The following EEFSEC variants were observed in gnomAD, a reference collection of about 807,000 sequenced individuals.
EEFSEC encodes eukaryotic elongation factor, selenocysteine-tRNA specific.
In EEFSEC, 43 loss-of-function variants were observed where a neutral mutation model predicts 42.1. The observed-to-expected ratio is 1.02, with a 90% CI of 0.80 to 1.32. The LOEUF is 1.32. Ranked by LOEUF, EEFSEC falls within the 40% of genes most tolerant of loss-of-function variation. EEFSEC has a pLI of 0.00. For missense variants in EEFSEC, 745 were observed against 803.6 expected (o/e 0.93, Z 0.88); for synonymous variants, 354 against 339.1 (o/e 1.04, Z -0.48).
intron 6 of EEFSEC, chr3:128,367,716 GA>G (rs2067606639): frequency 1.0e-6 from 1 of 985,310 alleles, no homozygotes; most frequent in Non-Finnish European, 1.2e-6. Flanking sequence ...AGAGATGAGT[GA>G]AGCACCACAG....
In EEFSEC at chr3:128,408,531, C is replaced by A; in HGVS notation, c.*272C>A. On this transcript the variant is annotated 3_prime_UTR_variant, in exon 7 of 7. Coordinates refer to ENST00000254730, the MANE Select transcript of EEFSEC (RefSeq NM_021937.5). ...AGGGCCATGGGCAGAGGGCTGGTAG[C>A]CAGTATCTTCCACTGCCCCATCTGT... 1 of 356,178 alleles carries A rather than the reference C, an allele frequency of 2.8e-6. No individual in the cohort carries two copies. Among genetic ancestry groups the A allele is most frequent in the Non-Finnish European group, 5.0e-6 (1 of 198,476 alleles). The allele number at this position is 356,178 out of a possible 1,614,324, so 22.1% of individuals were successfully genotyped here.
intron 6 of EEFSEC, chr3:128,367,752 C>T: frequency 1.0e-6 from 1 of 985,430 alleles, no homozygotes; most frequent in South Asian, 4.7e-5. Context: ...CCACTGCCTG[C>T]CTGGCCATAT....
intron 1 of EEFSEC, among the ~76,000 whole-genome samples, chr3:128,157,495 A>G (rs572779771): frequency 1.3e-5 from 2 of 152,352 alleles, no homozygotes; most frequent in East Asian, 1.9e-4. Context: ...CAAAGCTTCA[A>G]AGGACAGGCT....
At chr3:128,240,984 G>A (rs1350215336) in intron 1 of EEFSEC, among the ~76,000 whole-genome samples, 1 of 152,202 alleles carries the variant, frequency 6.6e-6, no homozygotes, top group Admixed American at 6.5e-5. Flanking sequence ...TTCTGAGTTG[G>A]GGACCTCTGA....
chr3:128,364,045 C>T (rs998219336), intron 6 of EEFSEC, among the ~76,000 whole-genome samples: 1 of 152,172 alleles, frequency 6.6e-6, no homozygotes, highest in Non-Finnish European at 1.5e-5. Flanking sequence ...CCCCTGTAAT[C>T]TCAGCACTCT....
chr3:128,186,539 G>A (rs1258032137), intron 1 of EEFSEC, among the ~76,000 whole-genome samples: 1 of 152,130 alleles, frequency 6.6e-6, no homozygotes, highest in Non-Finnish European at 1.5e-5. Context: ...TTTCTTCTCA[G>A]TTTTATAGTT....
chr3:128,253,597 C>T (rs2066211320), intron 2 of EEFSEC, among the ~76,000 whole-genome samples: 1 of 152,148 alleles, frequency 6.6e-6, no homozygotes, highest in South Asian at 2.1e-4. Context: ...TTCTTTTCTT[C>T]TTTTCTGTCT....
chr3:128,208,771 G>T (rs1326437385), intron 1 of EEFSEC, among the ~76,000 whole-genome samples: 1 of 152,226 alleles, frequency 6.6e-6, no homozygotes, highest in East Asian at 1.9e-4. Flanking sequence ...GCCACATTGG[G>T]AGGGGCCTGT....
intron 5 of EEFSEC, among the ~76,000 whole-genome samples, chr3:128,352,332 C>CT (rs1442186903): frequency 2.1e-4 from 32 of 152,366 alleles, no homozygotes; most frequent in African/African-American, 6.7e-4. Context: ...CTGACAATCA[C>CT]TGAGTCCTTG....
chr3:128,365,382 A>G (rs2067578504), intron 6 of EEFSEC, among the ~76,000 whole-genome samples: 1 of 152,178 alleles, frequency 6.6e-6, no homozygotes, highest in African/African-American at 2.4e-5. Flanking sequence ...GGGGCATCCC[A>G]GGCTCCCTTC....
At chr3:128,265,902 G>T (rs1002331917) in intron 4 of EEFSEC, among the ~76,000 whole-genome samples, 1 of 152,166 alleles carries the variant, frequency 6.6e-6, no homozygotes, top group African/African-American at 2.4e-5. Context: ...TTTTGCTGGA[G>T]AACACCAACT....
chr3:128,358,168 A>G (rs911366173), intron 5 of EEFSEC, 49 bp from the exon 6 acceptor site: 4 of 1,592,908 alleles, frequency 2.5e-6, no homozygotes, highest in Admixed American at 1.7e-5. Flanking sequence ...CAGCTCTTTC[A>G]GTGTGCACCA....
intron 5 of EEFSEC, among the ~76,000 whole-genome samples, chr3:128,356,979 C>T (rs1056840126): frequency 6.6e-6 from 1 of 152,138 alleles, no homozygotes; most frequent in Non-Finnish European, 1.5e-5. Flanking sequence ...GAGCTCCCAT[C>T]TTCTCCTGAC....
chr3:128,288,308 G>C (rs1231879120), intron 4 of EEFSEC, among the ~76,000 whole-genome samples: 1 of 152,156 alleles, frequency 6.6e-6, no homozygotes, highest in Admixed American at 6.5e-5. Context: ...GGGAACTTGA[G>C]TTTAGGTCTC....
intron 3 of EEFSEC, among the ~76,000 whole-genome samples, chr3:128,263,192 C>T (rs1476449783): frequency 2.0e-5 from 3 of 152,232 alleles, no homozygotes; most frequent in Non-Finnish European, 4.4e-5. Context: ...TTCACAAAAA[C>T]TCAGGGAGGC....
At chr3:128,256,147 T>C (rs537946420) in intron 2 of EEFSEC, among the ~76,000 whole-genome samples, 1 of 152,362 alleles carries the variant, frequency 6.6e-6, no homozygotes, top group Non-Finnish European at 1.5e-5. Flanking sequence ...AAATCTCTTT[T>C]ATTAAGTCAG....
rs114127602 is a variant in EEFSEC at position 128,376,321 on chromosome 3, C to A, written c.1600+17948C>A. ...CAGGTGTTTGCTGCAAGCAGGAATG[C>A]CCACTGTGCTTGGGCTTTCCTCACC... On this transcript the variant is annotated intron_variant, in intron 6 of 6. Coordinates refer to ENST00000254730, the MANE Select transcript of EEFSEC (RefSeq NM_021937.5). Among the ~76,000 whole-genome samples the A allele has an allele frequency of 3.5e-3, 527 of 152,328 alleles. 1 individual carries two copies. Among genetic ancestry groups the A allele is most frequent in the Admixed American group, 6.1e-3 (93 of 15,304 alleles).
At chr3:128,316,032 A>G (rs2066941002) in intron 4 of EEFSEC, among the ~76,000 whole-genome samples, 1 of 152,158 alleles carries the variant, frequency 6.6e-6, no homozygotes, top group Non-Finnish European at 1.5e-5. Context: ...ATATATTTTT[A>G]TTGTGATATT....
the EEFSEC span, among the ~76,000 whole-genome samples, chr3:128,424,435 G>A: frequency 2.0e-5 from 3 of 152,272 alleles, no homozygotes; most frequent in East Asian, 5.8e-4. Context: ...AGGTTGGAGT[G>A]CAGTGGTGTG....
Sources: gnomAD v4.1 joint callset for allele counts (sites outside exome capture counted in the v4.1 genomes callset) on GRCh38, gnomAD v4.1.1 for gene constraint, MANE v1.5 for transcripts, NCBI Gene and HGNC (gene_info 2026-07-23, HGNC 2026-07-21) for gene names.